Variants in PKIA observed in about 807,000 individuals in gnomAD.
PKIA encodes the protein cAMP-dependent protein kinase inhibitor alpha, also known as PKI-alpha.
PKIA carries 4 observed loss-of-function variants against 7.6 expected under a neutral mutation model. The ratio of observed to expected loss-of-function variants is 0.52; its 90% confidence interval spans 0.26 to 1.20. The LOEUF (loss-of-function observed/expected upper bound fraction) is 1.20. PKIA is among the 50% of genes most tolerant of loss of function. The probability of loss-of-function intolerance (pLI) is 0.13; values close to 1 mark genes in which losing one functional copy is unlikely to be tolerated. For missense variants in PKIA, 73 were observed against 86.2 expected (o/e 0.85, Z 0.61); for synonymous variants, 21 against 30.7 (o/e 0.68, Z 1.04).
chr8:78,596,528 C>A (rs987480072), intron 2 of PKIA, among the ~76,000 whole-genome samples: 4 of 152,092 alleles, frequency 2.6e-5, no homozygotes, highest in African/African-American at 9.7e-5. Context: ...CGTGAGCCAC[C>A]GCTTGTTGAT....
chr8:78,543,304 T>C (rs2118424580), intron 1 of PKIA, among the ~76,000 whole-genome samples: 1 of 152,310 alleles, frequency 6.6e-6, no homozygotes, highest in East Asian at 1.9e-4. Context: ...ATTGTAAGTT[T>C]CTTTTCTGTC....
intron 2 of PKIA, among the ~76,000 whole-genome samples, chr8:78,573,984 CT>C (rs1489323844): frequency 6.6e-6 from 1 of 151,990 alleles, no homozygotes; most frequent in Non-Finnish European, 1.5e-5. Context: ...AGTTCTGAGA[CT>C]GCTTTTTAAT....
intron 1 of PKIA, among the ~76,000 whole-genome samples, chr8:78,562,001 G>A (rs1807297083): frequency 6.6e-6 from 1 of 152,092 alleles, no homozygotes; most frequent in African/African-American, 2.4e-5. Context: ...ACCAACAGCA[G>A]AGTAATCACC....
intron 2 of PKIA, among the ~76,000 whole-genome samples, chr8:78,583,173 CTTGCCCTTTATGAAGGG>C (rs1351769943): frequency 6.6e-6 from 1 of 152,124 alleles, no homozygotes; most frequent in African/African-American, 2.4e-5. Context: ...TTTGTGAAAA[CTTGCCCTTTATGAAGGG>C]CACACAGACA....
At chr8:78,543,441 AG>A (rs1333452164) in intron 1 of PKIA, among the ~76,000 whole-genome samples, 1 of 152,232 alleles carries the variant, frequency 6.6e-6, no homozygotes, top group Non-Finnish European at 1.5e-5. Context: ...CAGGGACTCC[AG>A]GCTAGCAATC....
intron 1 of PKIA, among the ~76,000 whole-genome samples, chr8:78,520,824 ATAGT>A (rs775532425): frequency 4.6e-5 from 7 of 152,190 alleles, no homozygotes; most frequent in East Asian, 1.9e-4. Flanking sequence ...TCTTTACAGA[ATAGT>A]TAAAGAACAT....
intron 1 of PKIA, among the ~76,000 whole-genome samples, chr8:78,518,802 G>C (rs990678046): frequency 5.3e-5 from 8 of 152,154 alleles, no homozygotes; most frequent in Admixed American, 5.2e-4. Context: ...AAATCTTGTT[G>C]AGAAGAAAGA....
chr8:78,527,404 A>C (rs1451828161), intron 1 of PKIA, among the ~76,000 whole-genome samples: 4 of 152,026 alleles, frequency 2.6e-5, no homozygotes, highest in African/African-American at 9.7e-5. Flanking sequence ...GTATGTATTC[A>C]TTAATATTTT....
chr8:78,571,000 C>T (rs1373936687), intron 1 of PKIA, among the ~76,000 whole-genome samples: 1 of 152,030 alleles, frequency 6.6e-6, no homozygotes, highest in Non-Finnish European at 1.5e-5. Context: ...TATCTGGATG[C>T]CCCAATAAAG....
intron 1 of PKIA, among the ~76,000 whole-genome samples, chr8:78,571,879 T>G (rs574876001): frequency 6.6e-6 from 1 of 152,194 alleles, no homozygotes; most frequent in Non-Finnish European, 1.5e-5. Context: ...CTGTCGCTCC[T>G]AGATTCTAAT....
chr8:78,603,843 T>C lies in PKIA; in HGVS notation c.*2022T>C, dbSNP rs1808412360. The C allele has an allele frequency of 6.6e-6, 1 of 151,992 alleles. No homozygotes were observed. Among genetic ancestry groups the C allele is most frequent in the Admixed American group, 6.6e-5 (1 of 15,218 alleles). 9.4% of individuals were successfully genotyped at this position (151,992 alleles called of 1,614,324 possible). On this transcript the variant is annotated 3_prime_UTR_variant, in exon 4 of 4. Transcript: ENST00000396418. Reference sequence around the variant, plus strand: ...AAGTTTAGAACCAGTGCTGAGTCTATGTGGAGGGTTTATATTCCTATGTGA... The same window carrying C: ...AAGTTTAGAACCAGTGCTGAGTCTACGTGGAGGGTTTATATTCCTATGTGA...
intron 2 of PKIA, among the ~76,000 whole-genome samples, chr8:78,573,603 CATA>C (rs1360942827): frequency 1.3e-5 from 2 of 151,944 alleles, no homozygotes; most frequent in African/African-American, 4.8e-5. Flanking sequence ...GCAGTAACAT[CATA>C]ATAAGTGGCT....
Position 78,602,468 on chromosome 8 carries a change from A to G in PKIA, c.*647A>G, listed in dbSNP as rs959260211. 1.3e-5 allele frequency: 2 copies of G among 152,328 alleles called. No homozygotes were observed. The highest frequency in any genetic ancestry group is 4.8e-5 in the African/African-American group (2 of 41,366). The allele number at this position is 152,328 out of a possible 1,614,324, so 9.4% of individuals were successfully genotyped here. A position where few individuals can be genotyped will look rare whatever the true frequency, so the allele number is the denominator to read the frequency against. ...TCCATACTGTGGTGGTGTACACAGG[A>G]TAGAACACCCTTTTTTAAAACACAG... On this transcript the variant is annotated 3_prime_UTR_variant, in exon 4 of 4. Transcript: ENST00000396418.
chr8:78,564,188 G>GA (rs941332664), intron 1 of PKIA, among the ~76,000 whole-genome samples: 5 of 151,458 alleles, frequency 3.3e-5, no homozygotes, highest in African/African-American at 7.3e-5. Flanking sequence ...AAAGAAAAAA[G>GA]AAAAAAAAGA....
intron 2 of PKIA, among the ~76,000 whole-genome samples, chr8:78,580,416 T>C (rs904507620): frequency 2.6e-5 from 4 of 152,090 alleles, no homozygotes; most frequent in Non-Finnish European, 5.9e-5. Flanking sequence ...CTTTCCCTTC[T>C]TAAACAATTT....
chr8:78,533,951 C>G (rs1378389875), intron 1 of PKIA: 3 of 152,096 alleles, frequency 2.0e-5, no homozygotes, highest in Non-Finnish European at 4.4e-5. Flanking sequence ...TAGAAAATAT[C>G]TAACACAGAA....
intron 1 of PKIA, among the ~76,000 whole-genome samples, chr8:78,568,567 G>A (rs918217057): frequency 6.6e-6 from 1 of 152,084 alleles, no homozygotes; most frequent in African/African-American, 2.4e-5. Flanking sequence ...ACCAAATAGT[G>A]AAAACTGGAA....
intron 2 of PKIA, among the ~76,000 whole-genome samples, chr8:78,573,628 T>C (rs1807608322): frequency 6.6e-6 from 1 of 152,016 alleles, no homozygotes; most frequent in Non-Finnish European, 1.5e-5. Context: ...ATCTTCTCAT[T>C]TGCAGTTATA....
intron 2 of PKIA, among the ~76,000 whole-genome samples, chr8:78,581,909 GAC>G (rs1278311929): frequency 6.6e-6 from 1 of 152,102 alleles, no homozygotes. Flanking sequence ...GTTTGGGGTT[GAC>G]AGGGCATTGT....
Sources: gnomAD v4.1 joint callset for allele counts (sites outside exome capture counted in the v4.1 genomes callset) on GRCh38, gnomAD v4.1.1 for gene constraint, MANE v1.5 for transcripts, NCBI Gene and HGNC (gene_info 2026-07-23, HGNC 2026-07-21) for gene names.